The following STT3B variants were observed in gnomAD, a reference collection of about 807,000 sequenced individuals.
The protein encoded by STT3B is STT3 oligosaccharyltransferase complex catalytic subunit B, also known as dolichyl-diphosphooligosaccharide--protein glycosyltransferase subunit STT3B.
In STT3B, 29 loss-of-function variants were observed where a neutral mutation model predicts 96.8. The observed-to-expected ratio is 0.30, with a 90% CI of 0.22 to 0.41. The LOEUF (loss-of-function observed/expected upper bound fraction) is 0.41. STT3B is among the 10% of genes least tolerant of loss of function. STT3B has a pLI of 1.00. For synonymous variants in STT3B, 367 were observed against 360.0 expected, an observed-to-expected ratio of 1.02 and a Z score of -0.22; for missense variants, 640 against 1,022.3, an observed-to-expected ratio of 0.63 and a Z score of 5.10.
chr3:31,600,151 G>T (rs1164286858), intron 4 of STT3B, among the ~76,000 whole-genome samples: 1 of 152,024 alleles, frequency 6.6e-6, no homozygotes, highest in Admixed American at 6.5e-5. Flanking sequence ...GTTTGGAAAA[G>T]CATATTGGAT....
intron 1 of STT3B, among the ~76,000 whole-genome samples, chr3:31,557,041 A>G (rs1697732646): frequency 1.3e-5 from 2 of 152,128 alleles, no homozygotes; most frequent in African/African-American, 2.4e-5. Flanking sequence ...CCTTTAATCC[A>G]TCTTGAGTTA....
intron 5 of STT3B, among the ~76,000 whole-genome samples, chr3:31,612,941 G>A (rs1422586646): frequency 2.0e-5 from 3 of 152,084 alleles, no homozygotes; most frequent in African/African-American, 7.2e-5. Context: ...TAAATAGGGT[G>A]GAAACTTTTT....
intron 5 of STT3B, among the ~76,000 whole-genome samples, chr3:31,609,053 C>T (rs927650980): frequency 1.1e-4 from 16 of 151,914 alleles, no homozygotes; most frequent in African/African-American, 2.4e-4. Context: ...AGGCGGAGGT[C>T]GCAGTGAGCC....
At chr3:31,633,454 T>C (rs1466234256) in intron 15 of STT3B, among the ~76,000 whole-genome samples, 1 of 152,178 alleles carries the variant, frequency 6.6e-6, no homozygotes, top group Non-Finnish European at 1.5e-5. Flanking sequence ...TGTATGAAAG[T>C]AAAAATGCTA....
intron 14 of STT3B, among the ~76,000 whole-genome samples, chr3:31,631,586 T>C (rs1051063387): frequency 3.9e-5 from 6 of 152,226 alleles, no homozygotes; most frequent in Non-Finnish European, 7.3e-5. Flanking sequence ...TAACTTTTGC[T>C]ATCATATAGA....
chr3:31,575,573 A>G (rs775651618), intron 1 of STT3B, among the ~76,000 whole-genome samples: 27 of 152,064 alleles, frequency 1.8e-4, no homozygotes, highest in Non-Finnish European at 3.4e-4. Context: ...GCTGCTGGAA[A>G]GGATGTATCA....
intron 14 of STT3B, among the ~76,000 whole-genome samples, chr3:31,631,784 T>TA (rs36120315): frequency 3.8e-3 from 552 of 144,682 alleles, no homozygotes; most frequent in African/African-American, 9.5e-3. Flanking sequence ...AGTCTCTGTT[T>TA]AAAAAAAAAA....
At chr3:31,623,529 A>C in intron 10 of STT3B, 145 bp from the exon 11 acceptor site, 1 of 626,000 alleles carries the variant, frequency 1.6e-6, no homozygotes, top group Non-Finnish European at 2.7e-6. Context: ...TCCATCACCC[A>C]CATAAGAATA....
At chr3:31,554,032 T>C (rs1405876154) in intron 1 of STT3B, among the ~76,000 whole-genome samples, 1 of 152,230 alleles carries the variant, frequency 6.6e-6, no homozygotes, top group Non-Finnish European at 1.5e-5. Context: ...TGTTTTTCTT[T>C]ATGTAGCTTC....
At chr3:31,560,063 CT>C (rs1697834385) in intron 1 of STT3B, among the ~76,000 whole-genome samples, 1 of 152,010 alleles carries the variant, frequency 6.6e-6, no homozygotes, top group African/African-American at 2.4e-5. Flanking sequence ...TACTTTCAGT[CT>C]ATATGTGTCT....
intron 9 of STT3B, 54 bp downstream of exon 9, chr3:31,619,884 G>C: frequency 6.4e-7 from 1 of 1,559,922 alleles, no homozygotes; most frequent in Middle Eastern, 1.7e-4. Context: ...TTTTCTTTTT[G>C]AGATTATTTA....
chr3:31,533,301 G>A lies in STT3B; in HGVS notation c.303G>A (p.Glu101=). 6.5e-7 allele frequency: 1 copy of A among 1,535,092 alleles called. No homozygotes were observed. The highest frequency in any genetic ancestry group is 8.8e-7 in the Non-Finnish European group (1 of 1,141,424). The change falls in exon 1 of 16, where the codon GAG becomes GAA. Residue 101 remains glutamate (E), a synonymous_variant. Coordinates refer to ENST00000295770, the MANE Select transcript of STT3B (RefSeq NM_178862.3). Reference sequence around the variant, plus strand: ...TCCGCTTCGAAAGCATCATCCACGAGTTCGACCCGTGGTAAGTGCCTCGCC... The same window carrying A: ...TCCGCTTCGAAAGCATCATCCACGAATTCGACCCGTGGTAAGTGCCTCGCC... ...AVIRFESIIH[E]FDPWFNYRST... is the part of the protein sequence containing the mutation.
At chr3:31,564,486 T>C (rs1401424304) in intron 1 of STT3B, among the ~76,000 whole-genome samples, 1 of 152,212 alleles carries the variant, frequency 6.6e-6, no homozygotes, top group Non-Finnish European at 1.5e-5. Flanking sequence ...CATCTTCTCA[T>C]CTGTAAATAG....
chr3:31,572,842 C>T (rs901275857), intron 1 of STT3B, among the ~76,000 whole-genome samples: 1 of 152,128 alleles, frequency 6.6e-6, no homozygotes, highest in Non-Finnish European at 1.5e-5. Flanking sequence ...CATGGGCAAC[C>T]GAAACAAAAT....
intron 3 of STT3B, among the ~76,000 whole-genome samples, chr3:31,583,121 T>C (rs770503294): frequency 2.6e-5 from 4 of 152,190 alleles, no homozygotes; most frequent in Admixed American, 1.3e-4. Flanking sequence ...TTATTGAGAA[T>C]AGAGTATTGA....
intron 1 of STT3B, among the ~76,000 whole-genome samples, chr3:31,561,595 C>T (rs1447135886): frequency 6.6e-6 from 1 of 152,194 alleles, no homozygotes; most frequent in East Asian, 1.9e-4. Context: ...TTCCCAGCCC[C>T]TGTTAACCAT....
chr3:31,615,445 A>C (rs896320670), intron 6 of STT3B, among the ~76,000 whole-genome samples: 5 of 151,894 alleles, frequency 3.3e-5, no homozygotes, highest in African/African-American at 1.2e-4. Flanking sequence ...CTGATACTAT[A>C]TAGATAGCAA....
chr3:31,559,880 G>A (rs1209758531), intron 1 of STT3B, among the ~76,000 whole-genome samples: 79 of 152,038 alleles, frequency 5.2e-4, no homozygotes, highest in Non-Finnish European at 1.5e-5. Flanking sequence ...AGTGTTGGGT[G>A]CGTATATGTT....
In STT3B at chr3:31,537,096, C is replaced by T. The variant is rs116787195; in HGVS notation, c.314+3784C>T. Reference sequence around the variant, plus strand: ...TTGGCTGTAGTTAGCAAAAATGCAGCAGACGCCTTTTTGCTGGGCAGAAAG... The same window carrying T: ...TTGGCTGTAGTTAGCAAAAATGCAGTAGACGCCTTTTTGCTGGGCAGAAAG... On this transcript the variant is annotated intron_variant, in intron 1 of 15. Coordinates refer to ENST00000295770, the MANE Select transcript of STT3B (RefSeq NM_178862.3). 5.6e-3 allele frequency among the ~76,000 whole-genome samples: 854 copies of T among 152,282 alleles called. 10 individuals are homozygous for T. Among genetic ancestry groups the T allele is most frequent in the African/African-American group, 0.019 (795 of 41,548 alleles).
Sources: gnomAD v4.1 joint callset for allele counts (sites outside exome capture counted in the v4.1 genomes callset) on GRCh38, gnomAD v4.1.1 for gene constraint, MANE v1.5 for transcripts, NCBI Gene and HGNC (gene_info 2026-07-23, HGNC 2026-07-21) for gene names.